Variants in CCSER1 observed in about 807,000 individuals in gnomAD.
CCSER1 encodes the protein coiled-coil serine rich protein 1.
In CCSER1, 41 loss-of-function variants were observed where a neutral mutation model predicts 82.0. The observed-to-expected ratio is 0.50, with a 90% confidence interval of 0.39 to 0.65. CCSER1 has a LOEUF of 0.65. CCSER1 is among the 30% of genes least tolerant of loss of function. CCSER1 has a pLI of 0.00. For missense variants in CCSER1, 1,119 were observed against 1,064.2 expected (o/e 1.05, Z -0.72); for synonymous variants, 414 against 383.9 (o/e 1.08, Z -0.92).
At chr4:90,752,460 CT>C (rs1748818185) in intron 7 of CCSER1, among the ~76,000 whole-genome samples, 1 of 151,990 alleles carries the variant, frequency 6.6e-6, no homozygotes, top group Non-Finnish European at 1.5e-5. Flanking sequence ...TAATTTGGGC[CT>C]GAGTCATGTA....
chr4:91,444,107 G>T (rs557865742), intron 10 of CCSER1, among the ~76,000 whole-genome samples: 7 of 152,084 alleles, frequency 4.6e-5, no homozygotes, highest in African/African-American at 1.4e-4. Flanking sequence ...TTATTTAATG[G>T]TATGATTTAT....
At chr4:90,466,544 C>T (rs764169041) in intron 4 of CCSER1, among the ~76,000 whole-genome samples, 2 of 152,206 alleles carry the variant, frequency 1.3e-5, no homozygotes, top group African/African-American at 2.4e-5. Flanking sequence ...CCTTGTAAGA[C>T]CCTAATCAGG....
intron 9 of CCSER1, among the ~76,000 whole-genome samples, chr4:91,022,837 A>G (rs915288241): frequency 3.9e-5 from 6 of 151,910 alleles, no homozygotes; most frequent in Non-Finnish European, 2.9e-5. Context: ...CATATCCTTC[A>G]CCCACTTTTT....
At chr4:91,205,460 A>T (rs1736267652) in intron 10 of CCSER1, among the ~76,000 whole-genome samples, 1 of 151,866 alleles carries the variant, frequency 6.6e-6, no homozygotes, top group East Asian at 1.9e-4. Flanking sequence ...AGTTCATTTT[A>T]CATGAGTGAT....
chr4:90,810,659 A>ACAACAACAG (rs1554018678), intron 7 of CCSER1, among the ~76,000 whole-genome samples: 59 of 150,992 alleles, frequency 3.9e-4, no homozygotes, highest in Non-Finnish European at 7.1e-4. Flanking sequence ...AACAACAACA[A>ACAACAACAG]CAACAACAAC....
intron 5 of CCSER1, among the ~76,000 whole-genome samples, chr4:90,536,902 A>G (rs1368856778): frequency 6.6e-6 from 1 of 152,212 alleles, no homozygotes; most frequent in Non-Finnish European, 1.5e-5. Flanking sequence ...CTAGGTGTTG[A>G]AAACGCTTTT....
chr4:90,757,109 A>G lies in CCSER1; in HGVS notation c.2010+33118A>G, dbSNP rs368253778. On this transcript the variant is annotated intron_variant, in intron 7 of 10. Coordinates refer to ENST00000509176, the MANE Select transcript of CCSER1 (RefSeq NM_001145065.2). ...TCTTTTTATTTGTCTCACTTTTGAA[A>G]TGGAATTGGATAAGAGATTCGCAAA... Among the ~76,000 whole-genome samples the G allele has an allele frequency of 6.6e-5, 10 of 152,310 alleles. No homozygotes were observed. In the East Asian group the frequency reaches 1.9e-3, roughly 29 times the overall value.
intron 10 of CCSER1, among the ~76,000 whole-genome samples, chr4:91,539,537 A>G (rs1761480436): frequency 6.6e-6 from 1 of 152,212 alleles, no homozygotes; most frequent in East Asian, 1.9e-4. Context: ...GGTAAAGCTC[A>G]ATAAATATTT....
chr4:90,596,357 G>A (rs145519014), intron 5 of CCSER1, among the ~76,000 whole-genome samples: 42 of 151,656 alleles, frequency 2.8e-4, no homozygotes, highest in African/African-American at 1.0e-3. Flanking sequence ...GTTCATATCT[G>A]ATTTTCATTA....
chr4:90,653,383 C>T (rs1024180927), intron 6 of CCSER1, among the ~76,000 whole-genome samples: 1 of 151,924 alleles, frequency 6.6e-6, no homozygotes, highest in African/African-American at 2.4e-5. Flanking sequence ...GACTTTCCTT[C>T]ATATATCTGT....
chr4:90,673,376 T>C (rs1013768074), intron 6 of CCSER1, among the ~76,000 whole-genome samples: 1 of 151,984 alleles, frequency 6.6e-6, no homozygotes, highest in Non-Finnish European at 1.5e-5. Context: ...CTGTATAGAA[T>C]ATCTTACTTC....
intron 8 of CCSER1, among the ~76,000 whole-genome samples, chr4:90,882,693 T>C (rs1047121992): frequency 5.3e-5 from 8 of 152,062 alleles, no homozygotes; most frequent in East Asian, 1.9e-4. Context: ...ACTTTTATAT[T>C]GTAGAAAACA....
intron 10 of CCSER1, among the ~76,000 whole-genome samples, chr4:91,575,582 C>G (rs142278399): frequency 1.1e-4 from 17 of 152,016 alleles, no homozygotes; most frequent in African/African-American, 3.4e-4. Context: ...CAAAAGTGAT[C>G]TACCAAATAT....
chr4:91,016,045 C>T (rs966890518), intron 9 of CCSER1, among the ~76,000 whole-genome samples: 9 of 151,918 alleles, frequency 5.9e-5, no homozygotes, highest in Admixed American at 1.3e-4. Context: ...TCTTGGATCA[C>T]GAGTTCTCTG....
At chr4:91,577,225 T>A (rs1763492340) in intron 10 of CCSER1, among the ~76,000 whole-genome samples, 1 of 151,946 alleles carries the variant, frequency 6.6e-6, no homozygotes, top group South Asian at 2.1e-4. Flanking sequence ...TTTATGAGCA[T>A]CTCACTTGTG....
At chr4:91,418,397 G>T (rs143748868) in intron 10 of CCSER1, among the ~76,000 whole-genome samples, 1 of 143,718 alleles carries the variant, frequency 7.0e-6, no homozygotes, top group Non-Finnish European at 1.5e-5. Flanking sequence ...TGAAAGAAGA[G>T]AAATTACAAA....
At chr4:91,553,554 A>G (rs1251639900) in intron 10 of CCSER1, among the ~76,000 whole-genome samples, 1 of 127,120 alleles carries the variant, frequency 7.9e-6, no homozygotes, top group Non-Finnish European at 1.7e-5. Flanking sequence ...TACTGATTCA[A>G]TCTCCTTACT....
chr4:90,598,928 C>T (rs755691111), intron 5 of CCSER1, among the ~76,000 whole-genome samples: 1 of 152,150 alleles, frequency 6.6e-6, no homozygotes, highest in African/African-American at 2.4e-5. Context: ...GATGGCAAAA[C>T]CTCCGGGATG....
At chr4:91,546,301 T>G (rs1761886285) in intron 10 of CCSER1, among the ~76,000 whole-genome samples, 1 of 152,122 alleles carries the variant, frequency 6.6e-6, no homozygotes, top group African/African-American at 2.4e-5. Flanking sequence ...GAACCATTCC[T>G]TCTGCTTCCC....
Sources: allele counts gnomAD v4.1 joint callset (sites outside exome capture counted in the v4.1 genomes callset), GRCh38; gene constraint gnomAD v4.1.1; transcripts MANE v1.5; gene names NCBI Gene and HGNC (gene_info 2026-07-23, HGNC 2026-07-21).